Variants in ZDHHC20 observed in about 807,000 individuals in gnomAD.
ZDHHC20 encodes palmitoyltransferase ZDHHC20.
ZDHHC20 carries 43 observed loss-of-function variants against 57.8 expected under a neutral mutation model. The ratio of observed to expected loss-of-function variants is 0.74; its 90% confidence interval spans 0.58 to 0.96. The LOEUF (loss-of-function observed/expected upper bound fraction) is 0.96. Among genes scored for constraint, ZDHHC20 ranks in the 40% least tolerant of loss-of-function variants. The pLI, the probability that ZDHHC20 is intolerant of heterozygous loss-of-function variation, is 0.00. For synonymous variants in ZDHHC20, 157 were observed against 153.0 expected, an observed-to-expected ratio of 1.03 and a Z score of -0.19; for missense variants, 391 against 441.1, an observed-to-expected ratio of 0.89 and a Z score of 1.02.
At chr13:21,400,679 T>C (rs1877497487) in intron 6 of ZDHHC20, among the ~76,000 whole-genome samples, 186 bp from the exon 7 acceptor site, 1 of 152,166 alleles carries the variant, frequency 6.6e-6, no homozygotes, top group Non-Finnish European at 1.5e-5. Flanking sequence ...AATTTGAACA[T>C]ACTTAACACT....
In ZDHHC20 at chr13:21,373,845, T is replaced by C. The variant is rs1462213333; in HGVS notation, c.*2851A>G. The C allele has an allele frequency of 6.6e-6, 1 of 152,254 alleles. No homozygotes were observed. Among genetic ancestry groups the C allele is most frequent in the African/African-American group, 2.4e-5 (1 of 41,470 alleles). The allele number at this position is 152,254 out of a possible 1,614,324, so 9.4% of individuals were successfully genotyped here. A position where few individuals can be genotyped will look rare whatever the true frequency, so the allele number is the denominator to read the frequency against. On this transcript the variant is annotated 3_prime_UTR_variant, in exon 13 of 13. Transcript: ENST00000400590. ...CACCACTTGTAGGCCTTTGCTAGAA[T>C]GGTCATTAATACGTATGAATCAGTT...
At chr13:21,402,525 TAC>T (rs1877835350) in intron 5 of ZDHHC20, among the ~76,000 whole-genome samples, 1 of 152,244 alleles carries the variant, frequency 6.6e-6, no homozygotes, top group African/African-American at 2.4e-5. Context: ...TCCTTACATG[TAC>T]ACAAAGACTT....
intron 7 of ZDHHC20, among the ~76,000 whole-genome samples, chr13:21,399,470 G>C (rs1877302103): frequency 6.6e-6 from 1 of 151,918 alleles, no homozygotes; most frequent in Non-Finnish European, 1.5e-5. Context: ...ATGAAAAACA[G>C]CAGTTCTCCC....
intron 5 of ZDHHC20, among the ~76,000 whole-genome samples, chr13:21,402,212 G>A (rs1233845556): frequency 6.6e-6 from 1 of 152,022 alleles, no homozygotes; most frequent in East Asian, 1.9e-4. Flanking sequence ...AAGTTTAGGA[G>A]GAAATAAGTC....
intron 9 of ZDHHC20, among the ~76,000 whole-genome samples, chr13:21,385,966 G>A (rs1256822959): frequency 6.6e-6 from 1 of 151,996 alleles, no homozygotes; most frequent in African/African-American, 2.4e-5. Context: ...TTAAAGGAAG[G>A]AAAACAAAAA....
chr13:21,458,824 C>T (rs913751837), intron 1 of ZDHHC20, among the ~76,000 whole-genome samples: 17 of 152,208 alleles, frequency 1.1e-4, no homozygotes, highest in African/African-American at 3.6e-4. Context: ...CAGACCTGCA[C>T]CCGGGAAGCC....
chr13:21,448,302 C>T (rs1439171772), intron 1 of ZDHHC20, among the ~76,000 whole-genome samples: 113 of 91,584 alleles, frequency 1.2e-3, no homozygotes, highest in East Asian at 5.3e-3. Flanking sequence ...GCCAGCCGCC[C>T]CGTCCGGGAG....
At position 21,402,812 on chromosome 13, in the gene ZDHHC20, C is replaced by A; in HGVS notation, c.425G>T (p.Cys142Phe). The A allele has an allele frequency of 6.3e-7, 1 of 1,598,026 alleles. No individual in the cohort carries two copies. Among genetic ancestry groups the A allele is most frequent in the Non-Finnish European group, 8.5e-7 (1 of 1,171,998 alleles). Residue 142 changes from cysteine (C) to phenylalanine (F), a missense_variant, in exon 5 of 13, where the codon TGC becomes TTC. Around this residue, in one of 3 missense-constraint regions of ZDHHC20, gnomAD observed 185 missense variants for 188.0 expected, o/e 0.98. Transcript: ENST00000400590. ...TAACACTTACGAGTCACAGGCTGAG[C>A]AGTGATGCGCCCGATCAGGTTTAAT... ...QLIKPDRAHH[C>F]SACDSCILKM...
In ZDHHC20 at chr13:21,374,325, A is replaced by T; in HGVS notation, c.*2371T>A. 1 of 434,596 alleles carries T rather than the reference A, an allele frequency of 2.3e-6. No homozygotes were observed. The highest frequency in any genetic ancestry group is 1.6e-5 in the South Asian group (1 of 61,308). 26.9% of individuals were successfully genotyped at this position (434,596 alleles called of 1,614,324 possible). Reference sequence around the variant, plus strand: ...CTGCGACCTCCACCTCCTGGGTTCAAGTGATTCTCCTGCCTCCACCTCCCG... The same window carrying T: ...CTGCGACCTCCACCTCCTGGGTTCATGTGATTCTCCTGCCTCCACCTCCCG... On this transcript the variant is annotated 3_prime_UTR_variant, in exon 13 of 13. Transcript: ENST00000400590.
chr13:21,393,461 C>T (rs1876149085), intron 7 of ZDHHC20, among the ~76,000 whole-genome samples: 1 of 148,982 alleles, frequency 6.7e-6, no homozygotes, highest in Non-Finnish European at 1.5e-5. Flanking sequence ...GATCGCACTG[C>T]TGCACTCCAG....
chr13:21,447,953 G>A (rs1176444811), intron 1 of ZDHHC20, among the ~76,000 whole-genome samples: 29 of 112,664 alleles, frequency 2.6e-4, no homozygotes, highest in African/African-American at 8.1e-4. Flanking sequence ...GGGATGTGAG[G>A]AGCGCCTCTG....
At chr13:21,453,997 C>G (rs1201249042) in intron 1 of ZDHHC20, among the ~76,000 whole-genome samples, 1 of 152,086 alleles carries the variant, frequency 6.6e-6, no homozygotes, top group Non-Finnish European at 1.5e-5. Context: ...CAGACACAAG[C>G]CACCATGCCC....
intron 2 of ZDHHC20, among the ~76,000 whole-genome samples, chr13:21,424,076 A>G (rs1308991251): frequency 6.6e-6 from 1 of 152,204 alleles, no homozygotes; most frequent in African/African-American, 2.4e-5. Flanking sequence ...GTTAAAAAAT[A>G]GATAAAATAA....
intron 1 of ZDHHC20, among the ~76,000 whole-genome samples, chr13:21,438,853 C>T (rs1015474971): frequency 6.6e-6 from 1 of 152,214 alleles, no homozygotes; most frequent in South Asian, 2.1e-4. Context: ...CCTTCAGCAA[C>T]AACCTCCCTG....
chr13:21,446,153 A>G (rs1593278807), intron 1 of ZDHHC20, among the ~76,000 whole-genome samples: 1 of 152,250 alleles, frequency 6.6e-6, no homozygotes, highest in African/African-American at 2.4e-5. Flanking sequence ...GTGGAAAGCC[A>G]TCAGAGGGTG....
intron 1 of ZDHHC20, among the ~76,000 whole-genome samples, chr13:21,447,902 GTC>G (rs1883934249): frequency 1.0e-5 from 1 of 95,368 alleles, no homozygotes; most frequent in Non-Finnish European, 2.3e-5. Flanking sequence ...GCCGCCCATC[GTC>G]TGAGATGTGG....
At chr13:21,433,334 A>T (rs557684923) in intron 1 of ZDHHC20, among the ~76,000 whole-genome samples, 9 of 152,060 alleles carry the variant, frequency 5.9e-5, no homozygotes, top group South Asian at 2.1e-4. Context: ...ATACTCAAAC[A>T]AGGCCAGGCA....
At chr13:21,431,312 ATC>A (rs1387147538) in intron 1 of ZDHHC20, among the ~76,000 whole-genome samples, 2 of 152,160 alleles carry the variant, frequency 1.3e-5, no homozygotes, top group African/African-American at 4.8e-5. Context: ...AAACCATCAG[ATC>A]TCTCTTGAGA....
At chr13:21,408,999 A>G (rs1348354713) in intron 4 of ZDHHC20, among the ~76,000 whole-genome samples, 1 of 152,150 alleles carries the variant, frequency 6.6e-6, no homozygotes, top group Admixed American at 6.5e-5. Flanking sequence ...GTGCTGCTGG[A>G]TTCAGTCTGC....
Sources: gnomAD v4.1 joint callset for allele counts (sites outside exome capture counted in the v4.1 genomes callset) on GRCh38, gnomAD v4.1.1 for gene constraint, gnomAD v4.1.1 regional missense constraint, MANE v1.5 for transcripts, NCBI Gene and HGNC (gene_info 2026-07-23, HGNC 2026-07-21) for gene names.